KCNIP4: variants seen among roughly 807,000 people sequenced by gnomAD.
KCNIP4 encodes Kv channel-interacting protein 4.
In KCNIP4, 12 loss-of-function variants were observed where a neutral mutation model predicts 34.0. That is an observed-to-expected ratio of 0.35 (90% confidence interval 0.23 to 0.57). The LOEUF is 0.57. Among genes scored for constraint, KCNIP4 ranks in the 20% least tolerant of loss-of-function variants. KCNIP4 has a pLI of 0.83. For missense variants in KCNIP4, 238 were observed against 311.7 expected (o/e 0.76, Z 1.78); for synonymous variants, 124 against 102.2 (o/e 1.21, Z -1.29).
At position 21,811,783 on chromosome 4, in the gene KCNIP4, T is replaced by G. The variant is rs142118337; in HGVS notation, c.61+136788A>C. ...GGTCACAGGATAGCTAGCATGATGC[T>G]TGACAGAATTTAAACTAGGCCCATG... is the stretch of plus-strand genomic sequence containing the variant. On this transcript the variant is annotated intron_variant, in intron 1 of 8. Coordinates refer to ENST00000382152, the MANE Select transcript of KCNIP4 (RefSeq NM_025221.6). 2.2e-4 allele frequency among the ~76,000 whole-genome samples: 33 copies of G among 152,314 alleles called. No homozygotes were observed. In the Middle Eastern group the frequency reaches 0.014, roughly 63 times the overall value.
chr4:21,043,781 T>G (rs1455913479), intron 1 of KCNIP4, among the ~76,000 whole-genome samples: 3 of 152,298 alleles, frequency 2.0e-5, no homozygotes, highest in Non-Finnish European at 4.4e-5. Flanking sequence ...GTATGCCAAA[T>G]GCTTTGCATC....
intron 1 of KCNIP4, among the ~76,000 whole-genome samples, chr4:21,558,511 A>T (rs893491359): frequency 1.3e-5 from 2 of 151,686 alleles, no homozygotes; most frequent in South Asian, 2.1e-4. Flanking sequence ...TAAATAAATA[A>T]ATATATAAAT....
chr4:20,884,415 C>T (rs1277743003), intron 1 of KCNIP4, among the ~76,000 whole-genome samples: 1 of 150,716 alleles, frequency 6.6e-6, no homozygotes, highest in Non-Finnish European at 1.5e-5. Context: ...CACCCCCTGA[C>T]AGACCCCCGT....
At chr4:21,772,970 A>C (rs575222021) in intron 1 of KCNIP4, among the ~76,000 whole-genome samples, 8 of 151,884 alleles carry the variant, frequency 5.3e-5, no homozygotes, top group African/African-American at 1.9e-4. Flanking sequence ...CTTTTGGATT[A>C]GTTTGCTCTT....
intron 1 of KCNIP4, among the ~76,000 whole-genome samples, chr4:21,100,655 A>G (rs1747853522): frequency 6.6e-6 from 1 of 152,184 alleles, no homozygotes; most frequent in African/African-American, 2.4e-5. Flanking sequence ...GCCCTCCATT[A>G]GCAAAAAGAT....
intron 1 of KCNIP4, among the ~76,000 whole-genome samples, chr4:21,243,681 C>A (rs540403421): frequency 1.6e-4 from 24 of 152,258 alleles, no homozygotes; most frequent in African/African-American, 2.2e-4. Context: ...GTGCAGGAAA[C>A]AACACATAAC....
At chr4:21,060,146 AC>A (rs1262277674) in intron 1 of KCNIP4, among the ~76,000 whole-genome samples, 11 of 152,282 alleles carry the variant, frequency 7.2e-5, no homozygotes, top group Middle Eastern at 3.4e-3. Context: ...TATTAGAGGT[AC>A]CTGCTTAAAC....
intron 1 of KCNIP4, among the ~76,000 whole-genome samples, chr4:21,122,462 T>G (rs370742262): frequency 0.08 from 11,775 of 146,998 alleles, 745 homozygotes; most frequent in Middle Eastern, 0.13. Context: ...ATCAAGTTTT[T>G]TTTTTTTTTT....
intron 1 of KCNIP4, among the ~76,000 whole-genome samples, chr4:21,226,128 G>T (rs1274745430): frequency 6.6e-6 from 1 of 151,164 alleles, no homozygotes; most frequent in Non-Finnish European, 1.5e-5. Context: ...GGTTGCATGA[G>T]ATTTGCAAGT....
intron 1 of KCNIP4, among the ~76,000 whole-genome samples, chr4:21,808,652 C>T (rs1342176697): frequency 6.6e-6 from 1 of 152,178 alleles, no homozygotes; most frequent in African/African-American, 2.4e-5. Flanking sequence ...CTAACTCCTA[C>T]ATTGTTCAAG....
chr4:21,468,728 C>T (rs1410792722), intron 1 of KCNIP4, among the ~76,000 whole-genome samples: 1 of 152,194 alleles, frequency 6.6e-6, no homozygotes, highest in Non-Finnish European at 1.5e-5. Context: ...TGCTCTTAAA[C>T]TGTATTCAGA....
At chr4:21,352,295 C>A (rs193038319) in intron 1 of KCNIP4, among the ~76,000 whole-genome samples, 1 of 152,236 alleles carries the variant, frequency 6.6e-6, no homozygotes, top group South Asian at 2.1e-4. Flanking sequence ...GTGTAGCCCA[C>A]GGAGGGCAAG....
At position 20,916,518 on chromosome 4, in the gene KCNIP4, C is replaced by G. The variant is rs549334791; in HGVS notation, c.62-33809G>C. Among the ~76,000 whole-genome samples, 9 of 152,114 alleles carry G rather than the reference C, an allele frequency of 5.9e-5. No homozygotes were observed. The East Asian group carries it at 1.4e-3, about 23-fold the overall frequency. ...ACAGTGGGAAGGGGAAATGAATTTT[C>G]CACGAACACATGAGGTTCAAGAGAT... On this transcript the variant is annotated intron_variant, in intron 1 of 8. Transcript: ENST00000382152.
chr4:21,663,953 CT>C (rs1029998507), intron 1 of KCNIP4, among the ~76,000 whole-genome samples: 3 of 151,430 alleles, frequency 2.0e-5, no homozygotes, highest in East Asian at 1.9e-4. Context: ...TGTTTTGTTT[CT>C]TTTTTTTTGA....
intron 3 of KCNIP4, among the ~76,000 whole-genome samples, chr4:20,771,094 C>T (rs531256006): frequency 2.0e-5 from 3 of 152,148 alleles, no homozygotes; most frequent in Admixed American, 6.5e-5. Flanking sequence ...TTTCATATAA[C>T]GAGACTTAAG....
At chr4:21,462,600 C>T (rs1000540218) in intron 1 of KCNIP4, among the ~76,000 whole-genome samples, 1 of 152,062 alleles carries the variant, frequency 6.6e-6, no homozygotes, top group Non-Finnish European at 1.5e-5. Context: ...ATTCAATTCT[C>T]TACATCAGTG....
intron 5 of KCNIP4, among the ~76,000 whole-genome samples, chr4:20,737,740 A>T (rs1578441850): frequency 1.3e-5 from 2 of 152,336 alleles, no homozygotes; most frequent in Admixed American, 1.3e-4. Flanking sequence ...ACCTCCCTCA[A>T]ATTATTTCCC....
At chr4:21,654,578 C>T (rs980987487) in intron 1 of KCNIP4, among the ~76,000 whole-genome samples, 3 of 151,996 alleles carry the variant, frequency 2.0e-5, no homozygotes, top group Non-Finnish European at 4.4e-5. Flanking sequence ...TCATCATCAC[C>T]CAAGTACCTG....
rs188279011 is a variant in KCNIP4 at position 20,853,791 on chromosome 4, T to C, written c.164-3124A>G. Among the ~76,000 whole-genome samples, 26 of 151,968 alleles carry C rather than the reference T, an allele frequency of 1.7e-4. 1 individual carries two copies. The East Asian group carries it at 4.8e-3, about 28-fold the overall frequency. On this transcript the variant is annotated intron_variant, in intron 2 of 8. Transcript: ENST00000382152. Reference sequence around the variant, plus strand: ...ATCCAGAAAGTACAACGAACTCAAATGAGTAAGAAAAAAACCAACAATCCC... The same window carrying C: ...ATCCAGAAAGTACAACGAACTCAAACGAGTAAGAAAAAAACCAACAATCCC...
Sources: gnomAD v4.1 joint callset for allele counts (sites outside exome capture counted in the v4.1 genomes callset) on GRCh38, gnomAD v4.1.1 for gene constraint, MANE v1.5 for transcripts, NCBI Gene and HGNC (gene_info 2026-07-23, HGNC 2026-07-21) for gene names.